The following CPXM2 variants were observed in gnomAD, a reference collection of about 807,000 sequenced individuals.
CPXM2 encodes the protein inactive carboxypeptidase-like protein X2.
CPXM2 carries 66 observed loss-of-function variants against 86.1 expected under a neutral mutation model. The ratio of observed to expected loss-of-function variants is 0.77; its 90% CI spans 0.63 to 0.94. CPXM2 has a LOEUF of 0.94. CPXM2 is among the 40% of genes least tolerant of loss of function. The probability of loss-of-function intolerance (pLI) is 0.00; values close to 1 mark genes in which losing one functional copy is unlikely to be tolerated. For synonymous variants in CPXM2, 388 were observed against 400.2 expected (o/e 0.97, Z 0.36); for missense variants, 948 against 1,026.3 (o/e 0.92, Z 1.04).
chr10:123,882,166 C>T (rs948648926), intron 1 of CPXM2, among the ~76,000 whole-genome samples: 1 of 152,286 alleles, frequency 6.6e-6, no homozygotes, highest in South Asian at 2.1e-4. Context: ...CAAAGGAAAC[C>T]CCCCTTTTTG....
At chr10:123,815,220 T>C (rs375785878) in intron 4 of CPXM2, among the ~76,000 whole-genome samples, 2 of 152,104 alleles carry the variant, frequency 1.3e-5, no homozygotes. Flanking sequence ...ACTCAGGGAT[T>C]CTATCTCCCA....
chr10:123,932,634 C>T (rs1303363215), intron 2 of CPXM2, among the ~76,000 whole-genome samples: 1 of 152,218 alleles, frequency 6.6e-6, no homozygotes, highest in African/African-American at 2.4e-5. Flanking sequence ...TCAACAGCAT[C>T]TACTTAAAGT....
At chr10:123,888,450 T>C (rs192033344) in intron 1 of CPXM2, among the ~76,000 whole-genome samples, 1 of 152,302 alleles carries the variant, frequency 6.6e-6, no homozygotes, top group African/African-American at 2.4e-5. Flanking sequence ...CATTAAACAC[T>C]CCAGGCCACA....
intron 2 of CPXM2, among the ~76,000 whole-genome samples, chr10:123,904,952 T>C (rs1945422999): frequency 3.2e-5 from 1 of 31,334 alleles, no homozygotes; most frequent in South Asian, 7.1e-4. Flanking sequence ...CTGTGCTCTG[T>C]GAAGCACAAG....
At chr10:123,835,187 G>GA (rs1848253819) in intron 4 of CPXM2, among the ~76,000 whole-genome samples, 1 of 152,164 alleles carries the variant, frequency 6.6e-6, no homozygotes, top group Non-Finnish European at 1.5e-5. Context: ...GCCTCCCCAT[G>GA]AAAAAACAGG....
chr10:123,769,302 G>T (rs1846569366), intron 8 of CPXM2, among the ~76,000 whole-genome samples: 1 of 152,084 alleles, frequency 6.6e-6, no homozygotes, highest in African/African-American at 2.4e-5. Context: ...TTAAGAGGAG[G>T]GGCCGGCCGG....
At chr10:123,803,302 G>C (rs547458376) in intron 4 of CPXM2, among the ~76,000 whole-genome samples, 56 of 151,612 alleles carry the variant, frequency 3.7e-4, no homozygotes, top group East Asian at 7.8e-4. Flanking sequence ...TGTAGAGATG[G>C]GGTTTTGCCA....
Position 123,927,397 on chromosome 10 carries a change from A to T in CPXM2, n.174+12080T>A, listed in dbSNP as rs189361299. Among the ~76,000 whole-genome samples, 23 of 152,344 alleles carry T rather than the reference A, an allele frequency of 1.5e-4. No individual in the cohort carries two copies. The East Asian group carries it at 4.4e-3, about 29-fold the overall frequency. Reference sequence around the variant, plus strand: ...GAGAATCAGAATAGCCAATTCTTACAATCAGAGAGTAAAAACGTACATAGG... The same window carrying T: ...GAGAATCAGAATAGCCAATTCTTACTATCAGAGAGTAAAAACGTACATAGG... On this transcript the variant is annotated intron_variant and non_coding_transcript_variant, in intron 2 of 19. Transcript: ENST00000368854.
intron 4 of CPXM2, among the ~76,000 whole-genome samples, chr10:123,827,592 T>C (rs1306241409): frequency 6.6e-6 from 1 of 152,176 alleles, no homozygotes; most frequent in Non-Finnish European, 1.5e-5. Flanking sequence ...TGGAAAAATA[T>C]CCCATGTTCA....
chr10:123,758,970 G>A (rs1846276153), intron 11 of CPXM2, among the ~76,000 whole-genome samples: 1 of 152,180 alleles, frequency 6.6e-6, no homozygotes, highest in Non-Finnish European at 1.5e-5. Flanking sequence ...GTCACTGAAG[G>A]CAGAGGCAAA....
At chr10:123,819,547 A>G (rs1405005768) in intron 4 of CPXM2, among the ~76,000 whole-genome samples, 1 of 152,218 alleles carries the variant, frequency 6.6e-6, no homozygotes, top group Non-Finnish European at 1.5e-5. Context: ...CACTTGTACT[A>G]AGAAAATACC....
At chr10:123,867,319 C>T (rs1237060118) in intron 2 of CPXM2, among the ~76,000 whole-genome samples, 3 of 151,982 alleles carry the variant, frequency 2.0e-5, no homozygotes, top group Non-Finnish European at 2.9e-5. Flanking sequence ...GCAGGATTTT[C>T]CTATGCTAAA....
chr10:123,784,349 G>A (rs546339350), intron 6 of CPXM2, among the ~76,000 whole-genome samples: 22 of 152,238 alleles, frequency 1.4e-4, no homozygotes, highest in African/African-American at 4.1e-4. Flanking sequence ...CCTTGCTCTC[G>A]GCTTCTGGCC....
intron 2 of CPXM2, among the ~76,000 whole-genome samples, chr10:123,920,454 T>A (rs17618337): frequency 0.25 from 38,263 of 152,142 alleles, 6,159 homozygotes; most frequent in Non-Finnish European, 0.37. Flanking sequence ...TATGATCTAA[T>A]GTTTAAAAAA....
At chr10:123,886,335 T>C (rs1285610953) in intron 1 of CPXM2, among the ~76,000 whole-genome samples, 2 of 152,170 alleles carry the variant, frequency 1.3e-5, no homozygotes, top group Admixed American at 1.3e-4. Context: ...AAAAGCCAAA[T>C]GCAGCAAAAC....
Position 123,770,907 on chromosome 10 carries a change from C to T in CPXM2, c.1102+9G>A, listed in dbSNP as rs745608734. On this transcript the variant is annotated intron_variant, in intron 8 of 13. Coordinates refer to ENST00000241305, the MANE Select transcript of CPXM2 (RefSeq NM_198148.3). Reference sequence around the variant, plus strand: ...AAGGGGCCAAGCATCCCAGAGGGGCCCTTCTCACCGACTTCATGCTCCCCA... The same window carrying T: ...AAGGGGCCAAGCATCCCAGAGGGGCTCTTCTCACCGACTTCATGCTCCCCA... 7.5e-6 allele frequency: 12 copies of T among 1,610,334 alleles called. No homozygotes were observed. In the South Asian group the frequency reaches 1.2e-4, roughly 16 times the overall value.
At chr10:123,914,202 C>A (rs1945515384) in intron 2 of CPXM2, 3 of 408,796 alleles carry the variant, frequency 7.3e-6, no homozygotes, top group Non-Finnish European at 1.5e-5. Context: ...GTGAAGCTAA[C>A]CATGAGTCTA....
At chr10:123,852,599 C>G (rs1294324601) in intron 3 of CPXM2, among the ~76,000 whole-genome samples, 1 of 152,202 alleles carries the variant, frequency 6.6e-6, no homozygotes, top group Non-Finnish European at 1.5e-5. Context: ...CCAGGGCTCC[C>G]CTAATTGGCT....
intron 2 of CPXM2, among the ~76,000 whole-genome samples, chr10:123,935,514 T>G (rs1945707427): frequency 6.6e-6 from 1 of 152,158 alleles, no homozygotes; most frequent in African/African-American, 2.4e-5. Context: ...GCCCAGAAAC[T>G]GGGGACAGAC....
Sources: allele counts gnomAD v4.1 joint callset (sites outside exome capture counted in the v4.1 genomes callset), GRCh38; gene constraint gnomAD v4.1.1; transcripts MANE v1.5; gene names NCBI Gene and HGNC (gene_info 2026-07-23, HGNC 2026-07-21).